Variants in DSCAM observed in about 807,000 individuals in gnomAD.
The protein encoded by DSCAM is cell adhesion molecule DSCAM.
Under a neutral mutation model 217.7 loss-of-function variants are expected in DSCAM, and 47 were observed. The observed-to-expected ratio is 0.22, with a 90% CI of 0.17 to 0.28. DSCAM has a LOEUF of 0.28. DSCAM is among the 10% of genes least tolerant of loss of function. The pLI, the probability that DSCAM is intolerant of heterozygous loss-of-function variation, is 1.00. For missense variants in DSCAM, 2,080 were observed against 2,618.3 expected (o/e 0.79, Z 4.49); for synonymous variants, 1,056 against 1,015.3 (o/e 1.04, Z -0.76).
chr21:40,432,428 C>T (rs2075543504), intron 3 of DSCAM, among the ~76,000 whole-genome samples: 1 of 152,062 alleles, frequency 6.6e-6, no homozygotes, highest in African/African-American at 2.4e-5. Context: ...TTCGGCCCTC[C>T]AGCCTCTGTC....
At chr21:40,105,250 T>C (rs1470303614) in intron 20 of DSCAM, among the ~76,000 whole-genome samples, 4 of 152,198 alleles carry the variant, frequency 2.6e-5, no homozygotes, top group Non-Finnish European at 4.4e-5. Flanking sequence ...AAACAACCAC[T>C]GAGAACAATA....
chr21:40,236,902 A>G (rs770690276), intron 11 of DSCAM, among the ~76,000 whole-genome samples: 19 of 152,176 alleles, frequency 1.2e-4, no homozygotes, highest in Non-Finnish European at 5.9e-5. Context: ...GAAGCCATGG[A>G]CAGCTTTATT....
At chr21:40,342,642 AT>A (rs1569074446) in intron 6 of DSCAM, among the ~76,000 whole-genome samples, 4 of 95,518 alleles carry the variant, frequency 4.2e-5, no homozygotes, top group Non-Finnish European at 8.2e-5. Context: ...ATATATATAT[AT>A]ATATATTTTT....
At chr21:40,567,900 A>T (rs560442151) in intron 3 of DSCAM, among the ~76,000 whole-genome samples, 1 of 152,260 alleles carries the variant, frequency 6.6e-6, no homozygotes, top group East Asian at 1.9e-4. Flanking sequence ...ATAAGAATTT[A>T]TTCTCTACAA....
intron 3 of DSCAM, among the ~76,000 whole-genome samples, chr21:40,377,459 T>C (rs919542537): frequency 2.6e-5 from 4 of 151,050 alleles, no homozygotes; most frequent in African/African-American, 9.7e-5. Context: ...AGAGCTGGGG[T>C]GAGGAGAAGA....
intron 3 of DSCAM, among the ~76,000 whole-genome samples, chr21:40,405,660 C>A (rs776182009): frequency 2.0e-5 from 3 of 152,010 alleles, no homozygotes; most frequent in African/African-American, 4.8e-5. Flanking sequence ...AGCAAATAAT[C>A]TAATTAAAAA....
intron 1 of DSCAM, among the ~76,000 whole-genome samples, chr21:40,795,050 CT>C (rs1185993858): frequency 1.3e-5 from 2 of 151,810 alleles, no homozygotes; most frequent in Non-Finnish European, 2.9e-5. Flanking sequence ...GCTAGTTGAC[CT>C]GGATAGCTGG....
intron 3 of DSCAM, among the ~76,000 whole-genome samples, chr21:40,551,390 A>G (rs2076628543): frequency 6.6e-6 from 1 of 152,228 alleles, no homozygotes. Context: ...ATCAGTAGAA[A>G]GAAACTGTCT....
chr21:40,304,693 T>G (rs76088719), intron 9 of DSCAM, among the ~76,000 whole-genome samples: 3,145 of 152,312 alleles, frequency 0.021, 113 homozygotes, highest in African/African-American at 0.072. Context: ...TTGGCCTAAT[T>G]TCAATATTGT....
chr21:40,353,778 T>A, intron 4 of DSCAM, 35 bp from the exon 5 acceptor site: 1 of 1,479,490 alleles, frequency 6.8e-7, no homozygotes, highest in Non-Finnish European at 8.9e-7. Flanking sequence ...GAGGCAGGAA[T>A]GAGGAGTTGA....
chr21:40,657,824 G>C (rs2090092904), intron 3 of DSCAM, among the ~76,000 whole-genome samples: 3 of 152,142 alleles, frequency 2.0e-5, no homozygotes, highest in Non-Finnish European at 4.4e-5. Context: ...CCTGAGGGTG[G>C]GGGAGGCATA....
intron 6 of DSCAM, among the ~76,000 whole-genome samples, chr21:40,343,924 G>T (rs2074529232): frequency 7.7e-6 from 1 of 130,704 alleles, no homozygotes. Flanking sequence ...TATTTTTAGA[G>T]ATGGAGTCTC....
intron 1 of DSCAM, among the ~76,000 whole-genome samples, chr21:40,763,237 C>T (rs1211797215): frequency 6.6e-6 from 1 of 152,168 alleles, no homozygotes; most frequent in Non-Finnish European, 1.5e-5. Context: ...TAAACAACTT[C>T]AACAAAGTCT....
At chr21:40,070,532 G>T (rs2089279979) in intron 27 of DSCAM, among the ~76,000 whole-genome samples, 1 of 152,206 alleles carries the variant, frequency 6.6e-6, no homozygotes, top group Admixed American at 6.5e-5. Flanking sequence ...GGTAACGAAA[G>T]CTCTAGGGTG....
intron 1 of DSCAM, among the ~76,000 whole-genome samples, chr21:40,760,416 G>T (rs1283798692): frequency 6.6e-6 from 1 of 152,142 alleles, no homozygotes; most frequent in Non-Finnish European, 1.5e-5. Flanking sequence ...GGCTGAGAGG[G>T]TGACGTTAGC....
At chr21:40,159,105 C>T (rs2090510424) in intron 16 of DSCAM, among the ~76,000 whole-genome samples, 1 of 152,184 alleles carries the variant, frequency 6.6e-6, no homozygotes, top group Non-Finnish European at 1.5e-5. Flanking sequence ...GTGATGGACC[C>T]TAACCAACTT....
chr21:40,222,670 T>A (rs1027104059), intron 11 of DSCAM, among the ~76,000 whole-genome samples: 2 of 123,510 alleles, frequency 1.6e-5, no homozygotes, highest in African/African-American at 2.8e-5. Context: ...CTCACCAATT[T>A]CTAAAAATAG....
chr21:40,214,823 A>G (rs2091226858), intron 11 of DSCAM, among the ~76,000 whole-genome samples: 1 of 152,046 alleles, frequency 6.6e-6, no homozygotes, highest in South Asian at 2.1e-4. Flanking sequence ...AAACAAGAAG[A>G]TGTAACAATT....
chr21:40,485,838 A>G (rs535230756), intron 3 of DSCAM, among the ~76,000 whole-genome samples: 13 of 152,238 alleles, frequency 8.5e-5, no homozygotes, highest in African/African-American at 3.1e-4. Flanking sequence ...ACATACACAT[A>G]CATACACACT....
Sources: allele counts gnomAD v4.1 joint callset (sites outside exome capture counted in the v4.1 genomes callset), GRCh38; gene constraint gnomAD v4.1.1; transcripts MANE v1.5; gene names NCBI Gene and HGNC (gene_info 2026-07-23, HGNC 2026-07-21).